MARCHF1: variants seen among roughly 807,000 people sequenced by gnomAD.
The protein encoded by MARCHF1 is E3 ubiquitin-protein ligase MARCHF1.
A neutral mutation model predicts 54.2 loss-of-function variants in MARCHF1; 40 were observed. That is an observed-to-expected ratio of 0.74 (90% confidence interval 0.57 to 0.96). The LOEUF (loss-of-function observed/expected upper bound fraction) is 0.96, where lower values mean the gene tolerates loss of function less well. Among genes scored for constraint, MARCHF1 ranks in the 40% least tolerant of loss-of-function variants. MARCHF1 has a pLI of 0.00. For synonymous variants in MARCHF1, 236 were observed against 236.3 expected (o/e 1.00, Z 0.01); for missense variants, 586 against 656.5 (o/e 0.89, Z 1.17).
At chr4:163,986,148 C>T (rs1227300390) in intron 3 of MARCHF1, among the ~76,000 whole-genome samples, 1 of 148,994 alleles carries the variant, frequency 6.7e-6, no homozygotes, top group African/African-American at 2.5e-5. Context: ...GCATTTGAAA[C>T]ATTATAAGTG....
chr4:163,895,943 G>T (rs532451534), intron 3 of MARCHF1, among the ~76,000 whole-genome samples: 1 of 152,044 alleles, frequency 6.6e-6, no homozygotes, highest in Non-Finnish European at 1.5e-5. Flanking sequence ...CTGCAAAATG[G>T]CAAATAAAAT....
intron 8 of MARCHF1, among the ~76,000 whole-genome samples, chr4:163,565,133 T>C (rs1045640986): frequency 6.6e-6 from 1 of 152,206 alleles, no homozygotes; most frequent in Admixed American, 6.5e-5. Context: ...ATGCCAACAT[T>C]GTGACTGCAG....
chr4:164,244,121 C>T (rs866258735), intron 1 of MARCHF1, among the ~76,000 whole-genome samples: 2 of 152,154 alleles, frequency 1.3e-5, no homozygotes, highest in South Asian at 4.2e-4. Context: ...TAGACATCTA[C>T]AGAACTCTCC....
chr4:163,629,086 A>G (rs1741976671), intron 5 of MARCHF1, among the ~76,000 whole-genome samples: 1 of 152,222 alleles, frequency 6.6e-6, no homozygotes, highest in Admixed American at 6.5e-5. Context: ...AAGAACCCAT[A>G]TAGACAACCC....
At chr4:163,970,038 T>G (rs1752518618) in intron 3 of MARCHF1, among the ~76,000 whole-genome samples, 1 of 152,122 alleles carries the variant, frequency 6.6e-6, no homozygotes, top group African/African-American at 2.4e-5. Flanking sequence ...CTAAAGCCAT[T>G]AGATCTCACA....
At chr4:163,883,340 C>T (rs780287904) in intron 3 of MARCHF1, among the ~76,000 whole-genome samples, 5 of 113,886 alleles carry the variant, frequency 4.4e-5, no homozygotes, top group South Asian at 3.4e-4. Context: ...GAATTACCTA[C>T]GGATGTATTT....
chr4:163,545,539 C>T, intron 9 of MARCHF1, 57 bp downstream of exon 9: 2 of 1,539,274 alleles, frequency 1.3e-6, no homozygotes, highest in South Asian at 1.2e-5. Flanking sequence ...CTTCCCTATC[C>T]ACCTCTGAGT....
At chr4:163,619,984 A>G (rs1283363259) in intron 5 of MARCHF1, among the ~76,000 whole-genome samples, 2 of 152,218 alleles carry the variant, frequency 1.3e-5, no homozygotes, top group Admixed American at 6.5e-5. Flanking sequence ...CAAAACCAGA[A>G]TTCATAAATA....
At chr4:163,765,427 A>G (rs1746945724) in intron 4 of MARCHF1, among the ~76,000 whole-genome samples, 2 of 152,126 alleles carry the variant, frequency 1.3e-5, no homozygotes, top group Admixed American at 1.3e-4. Context: ...TGTTAACTAA[A>G]CAAAACCACC....
chr4:163,889,275 A>G (rs1439539555), intron 3 of MARCHF1, among the ~76,000 whole-genome samples: 3 of 152,184 alleles, frequency 2.0e-5, no homozygotes, highest in African/African-American at 7.2e-5. Flanking sequence ...ACAATCCTAC[A>G]AAGTAGATAT....
At chr4:163,729,408 T>G (rs1326742808) in intron 4 of MARCHF1, among the ~76,000 whole-genome samples, 2 of 116,426 alleles carry the variant, frequency 1.7e-5, no homozygotes, top group East Asian at 4.6e-4. Flanking sequence ...CTGCTTCTGG[T>G]GCTTCCCTCT....
At chr4:164,141,265 T>A (rs1756527002) in intron 1 of MARCHF1, among the ~76,000 whole-genome samples, 2 of 152,172 alleles carry the variant, frequency 1.3e-5, no homozygotes, top group Admixed American at 6.5e-5. Context: ...CAGCTAATAT[T>A]TTAAGATCAT....
intron 1 of MARCHF1, among the ~76,000 whole-genome samples, chr4:164,334,954 C>T (rs908520621): frequency 6.6e-6 from 1 of 152,144 alleles, no homozygotes; most frequent in African/African-American, 2.4e-5. Context: ...AAATAGAGAA[C>T]TAGAAGTGGA....
At chr4:163,733,284 TAC>T (rs1270151395) in intron 4 of MARCHF1, among the ~76,000 whole-genome samples, 19 of 99,624 alleles carry the variant, frequency 1.9e-4, no homozygotes, top group African/African-American at 5.1e-4. Flanking sequence ...CACAGACACA[TAC>T]ACACACACAC....
intron 4 of MARCHF1, among the ~76,000 whole-genome samples, chr4:163,789,278 T>TACAAAATATTTAC (rs1747705525): frequency 6.6e-6 from 1 of 152,012 alleles, no homozygotes; most frequent in African/African-American, 2.4e-5. Flanking sequence ...GTAAAATATT[T>TACAAAATATTTAC]AAAATAACTG....
intron 1 of MARCHF1, among the ~76,000 whole-genome samples, chr4:164,124,205 T>A (rs995518939): frequency 2.6e-5 from 4 of 151,824 alleles, no homozygotes; most frequent in African/African-American, 9.7e-5. Flanking sequence ...CAATGAAATA[T>A]AATTTAATTA....
intron 4 of MARCHF1, among the ~76,000 whole-genome samples, chr4:163,842,861 CTCTCT>C (rs1328014910): frequency 6.6e-6 from 1 of 152,114 alleles, no homozygotes; most frequent in Non-Finnish European, 1.5e-5. Context: ...TTTATCCCCT[CTCTCT>C]TAACTTTTAT....
intron 1 of MARCHF1, among the ~76,000 whole-genome samples, chr4:164,195,466 G>A (rs191205440): frequency 5.3e-5 from 8 of 152,148 alleles, no homozygotes; most frequent in Admixed American, 2.0e-4. Context: ...TATACCTCAC[G>A]TTCTCTAGGA....
chr4:164,355,780 TA>T (rs1730506891), intron 1 of MARCHF1, among the ~76,000 whole-genome samples: 1 of 103,984 alleles, frequency 9.6e-6, no homozygotes. Context: ...CTAGTTAAAC[TA>T]AAGAGCTTCT....
Sources: gnomAD v4.1 joint callset for allele counts (sites outside exome capture counted in the v4.1 genomes callset) on GRCh38, gnomAD v4.1.1 for gene constraint, MANE v1.5 for transcripts, NCBI Gene and HGNC (gene_info 2026-07-23, HGNC 2026-07-21) for gene names.